The following DLG2 variants were observed in gnomAD, a reference collection of about 807,000 sequenced individuals.
The protein encoded by DLG2 is disks large homolog 2.
DLG2 carries 45 observed loss-of-function variants against 132.5 expected under a neutral mutation model. The ratio of observed to expected loss-of-function variants is 0.34; its 90% confidence interval spans 0.27 to 0.44. The LOEUF is 0.44. Ranked by LOEUF, DLG2 falls within the 20% of genes least tolerant of loss-of-function variation. DLG2 has a pLI of 1.00. For synonymous variants in DLG2, 424 were observed against 419.6 expected, an observed-to-expected ratio of 1.01 and a Z score of -0.13; for missense variants, 1,045 against 1,196.9, an observed-to-expected ratio of 0.87 and a Z score of 1.87.
intron 8 of DLG2, among the ~76,000 whole-genome samples, chr11:84,165,880 A>C (rs2095650800): frequency 6.6e-6 from 1 of 152,056 alleles, no homozygotes; most frequent in Admixed American, 6.6e-5. Context: ...CCTGGGTGAA[A>C]GAGTGAGATC....
intron 19 of DLG2, among the ~76,000 whole-genome samples, chr11:83,587,800 G>A (rs953848807): frequency 7.2e-5 from 11 of 152,200 alleles, no homozygotes; most frequent in South Asian, 2.1e-4. Flanking sequence ...TGCGCGAGCC[G>A]AAGCAGGGCG....
chr11:83,885,282 G>A (rs1380843624), intron 15 of DLG2, among the ~76,000 whole-genome samples: 2 of 152,190 alleles, frequency 1.3e-5, no homozygotes, highest in South Asian at 2.1e-4. Context: ...GCCAAGGCTC[G>A]AGAACTACGT....
At chr11:83,928,158 G>C (rs2079346828) in intron 15 of DLG2, among the ~76,000 whole-genome samples, 1 of 151,850 alleles carries the variant, frequency 6.6e-6, no homozygotes, top group African/African-American at 2.4e-5. Context: ...GGAGAAAGAA[G>C]GGGACCAAAT....
At chr11:84,758,771 C>A (rs900440421) in intron 6 of DLG2, among the ~76,000 whole-genome samples, 1 of 152,080 alleles carries the variant, frequency 6.6e-6, no homozygotes, top group Non-Finnish European at 1.5e-5. Context: ...AGTTGAAGAT[C>A]TTTATTCTTT....
rs143400390 is a variant in DLG2 at position 83,462,891 on chromosome 11, A to T, written c.2730-798T>A. On this transcript the variant is annotated intron_variant, in intron 26 of 27. Transcript: ENST00000376104. ...AATTCTTGAATTCTCTCTAAAACCT[A>T]ATCTATTGATTCTTAACTACTGGCA... Among the ~76,000 whole-genome samples the T allele has an allele frequency of 7.2e-5, 11 of 152,316 alleles. No individual in the cohort carries two copies. The East Asian group carries it at 2.1e-3, about 29-fold the overall frequency.
chr11:84,389,185 G>T (rs1355802793), intron 7 of DLG2, among the ~76,000 whole-genome samples: 1 of 151,998 alleles, frequency 6.6e-6, no homozygotes, highest in Non-Finnish European at 1.5e-5. Context: ...AATATAAAGG[G>T]TATTTCATTG....
chr11:84,289,591 G>A lies in DLG2; in HGVS notation c.520-38300C>T, dbSNP rs566822050. On this transcript the variant is annotated intron_variant, in intron 7 of 27. Coordinates refer to ENST00000376104, the MANE Select transcript of DLG2 (RefSeq NM_001142699.3). ...GAAGCAAGTTCTTCTAAATAAGTGA[G>A]GCTTTACCCCAAGATTCTGACTCAC... 4.1e-4 allele frequency among the ~76,000 whole-genome samples: 62 copies of A among 152,140 alleles called. No homozygotes were observed. In the South Asian group the frequency reaches 5.4e-3, roughly 13 times the overall value.
At chr11:84,756,124 A>G (rs144259833) in intron 6 of DLG2, among the ~76,000 whole-genome samples, 23 of 152,298 alleles carry the variant, frequency 1.5e-4, no homozygotes, top group African/African-American at 5.5e-4. Flanking sequence ...AATTTAAAAC[A>G]TCATTCATTT....
chr11:83,837,605 T>G (rs7941665), intron 16 of DLG2, among the ~76,000 whole-genome samples: 109,387 of 151,336 alleles, frequency 0.72, 40,835 homozygotes, highest in African/African-American at 0.91. Flanking sequence ...TTAGTCTACC[T>G]GTTTTTCCCA....
chr11:83,739,320 A>G (rs1198071897), intron 18 of DLG2, among the ~76,000 whole-genome samples: 1 of 152,186 alleles, frequency 6.6e-6, no homozygotes, highest in Middle Eastern at 3.2e-3. Context: ...TAAATTATGC[A>G]TTTTTATTTT....
chr11:85,206,793 A>G (rs562084158), intron 4 of DLG2, among the ~76,000 whole-genome samples: 5 of 152,128 alleles, frequency 3.3e-5, no homozygotes, highest in Non-Finnish European at 7.4e-5. Flanking sequence ...AGATCATGCC[A>G]CTGCACTCCA....
chr11:85,582,200 C>T (rs1003151876), intron 3 of DLG2, among the ~76,000 whole-genome samples: 3 of 152,002 alleles, frequency 2.0e-5, no homozygotes, highest in Non-Finnish European at 4.4e-5. Context: ...TGAAGACTTA[C>T]GGTAGCTAAC....
intron 6 of DLG2, among the ~76,000 whole-genome samples, chr11:84,753,466 T>C (rs571679325): frequency 6.6e-6 from 1 of 152,330 alleles, no homozygotes; most frequent in East Asian, 1.9e-4. Flanking sequence ...TAGGATTTTC[T>C]AACAGGTTGG....
intron 9 of DLG2, among the ~76,000 whole-genome samples, chr11:84,117,216 A>T (rs2093676030): frequency 6.6e-6 from 1 of 152,174 alleles, no homozygotes; most frequent in African/African-American, 2.4e-5. Flanking sequence ...AAAGCAATTT[A>T]TCTTTGGCTT....
intron 3 of DLG2, among the ~76,000 whole-genome samples, chr11:85,517,925 G>A (rs11234357): frequency 6.6e-6 from 1 of 152,144 alleles, no homozygotes; most frequent in South Asian, 2.1e-4. Context: ...ATTATAAGGA[G>A]AGTTTCCCTG....
chr11:85,581,284 C>T (rs1428177137), intron 3 of DLG2, among the ~76,000 whole-genome samples: 5 of 152,184 alleles, frequency 3.3e-5, no homozygotes, highest in East Asian at 1.9e-4. Flanking sequence ...CCGCTCATAC[C>T]TTTGTAATAG....
chr11:83,625,550 G>T (rs150395064), intron 19 of DLG2, among the ~76,000 whole-genome samples: 1 of 152,324 alleles, frequency 6.6e-6, no homozygotes, highest in African/African-American at 2.4e-5. Context: ...AAGCTCAAAG[G>T]CGAAGTGTCT....
chr11:83,716,993 T>C (rs1474947979), intron 18 of DLG2, among the ~76,000 whole-genome samples: 1 of 152,224 alleles, frequency 6.6e-6, no homozygotes, highest in Non-Finnish European at 1.5e-5. Flanking sequence ...TATTCCTGTC[T>C]TGTGATTTAC....
chr11:83,917,950 T>A (rs1182278484), intron 15 of DLG2, among the ~76,000 whole-genome samples: 1 of 152,164 alleles, frequency 6.6e-6, no homozygotes, highest in African/African-American at 2.4e-5. Context: ...CATTATGGGA[T>A]GAAAGTGCAT....
Sources: allele counts gnomAD v4.1 joint callset (sites outside exome capture counted in the v4.1 genomes callset), GRCh38; gene constraint gnomAD v4.1.1; transcripts MANE v1.5; gene names NCBI Gene and HGNC (gene_info 2026-07-23, HGNC 2026-07-21).